The following ZFR2 variants were observed in gnomAD, a reference collection of about 807,000 sequenced individuals.
ZFR2 encodes zinc finger RNA-binding protein 2.
A neutral mutation model predicts 105.7 loss-of-function variants in ZFR2; 104 were observed. The observed-to-expected ratio is 0.98, with a 90% confidence interval of 0.84 to 1.16. ZFR2 has a LOEUF of 1.16. Ranked by LOEUF, ZFR2 falls within the 50% of genes most tolerant of loss-of-function variation. The pLI is 0.00. For synonymous variants in ZFR2, 634 were observed against 597.7 expected, an observed-to-expected ratio of 1.06 and a Z score of -0.89; for missense variants, 1,425 against 1,355.5, an observed-to-expected ratio of 1.05 and a Z score of -0.80.
At chr19:3,810,389 G>A (rs2145132560) in intron 16 of ZFR2, among the ~76,000 whole-genome samples, 1 of 152,356 alleles carries the variant, frequency 6.6e-6, no homozygotes, top group South Asian at 2.1e-4. Context: ...GAGCAGGTGG[G>A]TCTGGGCTGG....
chr19:3,848,773 C>T (rs1020037246), intron 1 of ZFR2, among the ~76,000 whole-genome samples: 8 of 151,800 alleles, frequency 5.3e-5, no homozygotes, highest in Non-Finnish European at 1.0e-4. Context: ...GGGCGGATCA[C>T]GAGGTCAGGA....
Position 3,838,410 on chromosome 19 carries a change from G to A in ZFR2, c.54-3427C>T, listed in dbSNP as rs1459071332. 6.6e-6 allele frequency among the ~76,000 whole-genome samples: 1 copy of A among 152,178 alleles called. No individual in the cohort carries two copies. Among genetic ancestry groups the A allele is most frequent in the South Asian group, 2.1e-4 (1 of 4,832 alleles). ...CAGGCTGCACTGAGCACCGACCGAT[G>A]AGCCAAAGAGAGGAAGGTGGAAGGT... On this transcript the variant is annotated intron_variant, in intron 1 of 18. Coordinates refer to ENST00000262961, the MANE Select transcript of ZFR2 (RefSeq NM_015174.2). This position sits in a 1 kb window ranked among gnomAD's most constrained non-coding sequence, Gnocchi z 4.9.
At chr19:3,861,015 A>G (rs2038367446) in intron 1 of ZFR2, among the ~76,000 whole-genome samples, 1 of 152,084 alleles carries the variant, frequency 6.6e-6, no homozygotes, top group Admixed American at 6.6e-5. Context: ...TTATACATCC[A>G]TGGCAAGGGC....
intron 3 of ZFR2, among the ~76,000 whole-genome samples, chr19:3,832,634 T>TTTTTTTA: frequency 1.4e-5 from 2 of 145,900 alleles, no homozygotes; most frequent in African/African-American, 5.4e-5. Flanking sequence ...TTTTGTTTTT[T>TTTTTTTA]TTTTTTATTT....
intron 1 of ZFR2, chr19:3,856,987 C>G (rs2038310672): frequency 6.6e-6 from 1 of 152,194 alleles, no homozygotes; most frequent in Non-Finnish European, 1.5e-5. Flanking sequence ...CCTCGGCCTT[C>G]CAAAGTGCTG....
intron 1 of ZFR2, among the ~76,000 whole-genome samples, 173 bp from the exon 2 acceptor site, chr19:3,835,156 C>T (rs915613244): frequency 6.6e-6 from 1 of 152,102 alleles, no homozygotes; most frequent in African/African-American, 2.4e-5. Context: ...AACACCGTCT[C>T]ACAACAACGC....
Position 3,831,513 on chromosome 19 carries a change from G to C in ZFR2, c.642C>G (p.Ala214=), listed in dbSNP as rs1275067600. The C allele has an allele frequency of 1.3e-6, 2 of 1,556,842 alleles. No homozygotes were observed. The highest frequency in any genetic ancestry group is 1.2e-5 in the South Asian group (1 of 84,368). The change falls in exon 5 of 19, where the codon GCC becomes GCG. Residue 214 remains alanine (A), a synonymous_variant. Transcript: ENST00000262961. The part of the protein sequence containing the change: ...PNYDASVYSA[A]SPFYPPAQPP... ...GCTGCGCTGGAGGATAGAAAGGGCT[G>C]GCAGCGGAGTACACCGACGCGTCAT...
At chr19:3,820,434 G>A (rs2037877899) in intron 10 of ZFR2, 144 bp from the exon 11 acceptor site, 2 of 785,280 alleles carry the variant, frequency 2.5e-6, no homozygotes, top group Admixed American at 6.1e-5. Context: ...CTGCATGGGT[G>A]CCTGCTGTAT....
At chr19:3,816,928 C>T (rs769307641) in intron 12 of ZFR2, 83 bp from the exon 13 acceptor site, 2 of 1,311,262 alleles carry the variant, frequency 1.5e-6, no homozygotes, top group Non-Finnish European at 2.1e-6. Flanking sequence ...GCTACGGGGA[C>T]CCTGCAAGTT....
At chr19:3,862,142 G>A (rs545318859) in intron 1 of ZFR2, among the ~76,000 whole-genome samples, 1 of 152,242 alleles carries the variant, frequency 6.6e-6, no homozygotes, top group South Asian at 2.1e-4. Flanking sequence ...TAAATCTGAT[G>A]TATTTGTTCT....
At chr19:3,830,423 G>A (rs2037999163) in intron 5 of ZFR2, among the ~76,000 whole-genome samples, 1 of 152,168 alleles carries the variant, frequency 6.6e-6, no homozygotes, top group Admixed American at 6.5e-5. Flanking sequence ...GCAACAGAGC[G>A]AGACTTTGTC....
In ZFR2 at chr19:3,810,758, G is replaced by A. The variant is rs1470443899; in HGVS notation, c.2425C>T (p.Pro809Ser). 6.5e-7 allele frequency: 1 copy of A among 1,549,324 alleles called. No homozygotes were observed. Among genetic ancestry groups the A allele is most frequent in the Non-Finnish European group, 8.7e-7 (1 of 1,146,352 alleles). Residue 809 changes from proline to serine, a missense_variant, in exon 16 of 19, where the codon CCA (proline) becomes TCA (serine). By Grantham distance (74) the Pro-to-Ser change is moderately conservative. Coordinates refer to ENST00000262961, the MANE Select transcript of ZFR2 (RefSeq NM_015174.2). ...CRRVPTWGAL[P>S]AWAMELLVEK... ...GCCAGGCACTGCCTTACCCAGGCTG[G>A]CAGGGCCCCCCAGGTGGGCACACGC...
At position 3,831,359 on chromosome 19, in the gene ZFR2, T is replaced by G. The variant is rs562684616; in HGVS notation, c.796A>C (p.Arg266=). 1.3e-6 allele frequency: 2 copies of G among 1,557,266 alleles called. No homozygotes were observed. The highest frequency in any genetic ancestry group is 3.8e-5 in the Admixed American group (2 of 52,156). The change falls in exon 5 of 19, where the codon AGG becomes CGG. Residue 266 remains arginine (R), a synonymous_variant. Coordinates refer to ENST00000262961, the MANE Select transcript of ZFR2 (RefSeq NM_015174.2). ...TCGCAGTAGTGAAGCTGGAGCTGCCTGGGCCCCGCCTTGGGTCTCGGCAGC... is the reference window on the plus strand; with the variant it reads ...TCGCAGTAGTGAAGCTGGAGCTGCCGGGGCCCCGCCTTGGGTCTCGGCAGC... ...SKLPRPKAGP[R]QLQLHYCDIC...
chr19:3,820,238 A>C lies in ZFR2; in HGVS notation c.1684T>G (p.Trp562Gly). 1 of 1,550,076 alleles carries C rather than the reference A, an allele frequency of 6.5e-7. No individual in the cohort carries two copies. The highest frequency in any genetic ancestry group is 8.7e-7 in the Non-Finnish European group (1 of 1,147,028). ...CTGCCCATGAGCAGAGGCTGGGCCC[A>C]GTCGGGCGGCGCGTGGGGCGGCACG... The part of the protein sequence containing the change: ...QDVPPHAPPD[W>G]AQPLLMGRPE... The change falls in exon 11 of 19, where the codon TGG (tryptophan) becomes GGG (glycine). Residue 562 changes from tryptophan to glycine, a missense_variant. Physicochemically the swap from Trp to Gly is radical, Grantham distance 184. Coordinates refer to ENST00000262961, the MANE Select transcript of ZFR2 (RefSeq NM_015174.2).
chr19:3,820,834 G>A (rs2037882609), intron 10 of ZFR2, among the ~76,000 whole-genome samples: 1 of 92,618 alleles, frequency 1.1e-5, no homozygotes, highest in South Asian at 2.9e-4. Flanking sequence ...AGAGGTCGGG[G>A]GACACAGGGA....
chr19:3,855,734 G>C, intron 1 of ZFR2: 1 of 340,254 alleles, frequency 2.9e-6, no homozygotes, highest in Non-Finnish European at 5.3e-6. Context: ...ACAAAGTTGG[G>C]GAAACAGGGC....
At chr19:3,806,931 C>G (rs2037703162) in intron 18 of ZFR2, among the ~76,000 whole-genome samples, 1 of 152,212 alleles carries the variant, frequency 6.6e-6, no homozygotes, top group Non-Finnish European at 1.5e-5. Context: ...CCAATGAGAC[C>G]TGAGGTCTGG....
intron 1 of ZFR2, chr19:3,855,531 A>G: frequency 4.7e-6 from 5 of 1,066,642 alleles, no homozygotes; most frequent in Non-Finnish European, 6.0e-6. Context: ...GGGAATAACC[A>G]GACCAAAGTC....
intron 5 of ZFR2, among the ~76,000 whole-genome samples, chr19:3,830,427 CTT>C (rs542242006): frequency 5.9e-5 from 9 of 152,180 alleles, no homozygotes; most frequent in African/African-American, 2.2e-4. Context: ...CAGAGCGAGA[CTT>C]TGTCTCCAAA....
Sources: allele counts gnomAD v4.1 joint callset (sites outside exome capture counted in the v4.1 genomes callset), GRCh38; gene constraint gnomAD v4.1.1; non-coding constraint Gnocchi (gnomAD v3.1); transcripts MANE v1.5; gene names NCBI Gene and HGNC (gene_info 2026-07-23, HGNC 2026-07-21).